The following PAIP2 variants were observed in gnomAD, a reference collection of about 807,000 sequenced individuals.
PAIP2 encodes poly(A) binding protein interacting protein 2, also known as polyadenylate-binding protein-interacting protein 2.
Under a neutral mutation model 14.8 loss-of-function variants are expected in PAIP2, and 7 were observed. The ratio of observed to expected loss-of-function variants is 0.47; its 90% confidence interval spans 0.27 to 0.89. PAIP2 has a LOEUF of 0.89. Among genes scored for constraint, PAIP2 ranks in the 40% least tolerant of loss-of-function variants. PAIP2 has a pLI of 0.13. For missense variants in PAIP2, 122 were observed against 154.7 expected (o/e 0.79, Z 1.12); for synonymous variants, 47 against 45.3 (o/e 1.04, Z -0.15).
chr5:139,366,484 A>G (rs73255264), intron 3 of PAIP2, among the ~76,000 whole-genome samples: 1,870 of 152,080 alleles, frequency 0.012, 41 homozygotes, highest in African/African-American at 0.043. Context: ...AGAGCACTGA[A>G]GTTTACATTG....
At position 139,364,078 on chromosome 5, in the gene PAIP2, C is replaced by CT. The variant is rs1327864771; in HGVS notation, c.138+158dup. On this transcript the variant is annotated intron_variant, in intron 2 of 3. Transcript: ENST00000265192. The stretch of plus-strand genomic sequence containing the variant: ...TATTTGGCTGCTGATTACTACCAGG[C>CT]TTAACTGCTTACGGAAATAACCTGG... 14 of 645,824 alleles carry CT rather than the reference C, an allele frequency of 2.2e-5. No homozygotes were observed. In the Admixed American group the frequency reaches 3.2e-4, roughly 15 times the overall value. The allele number at this position is 645,824 out of a possible 1,614,324, so 40.0% of individuals were successfully genotyped here. A position where few individuals can be genotyped will look rare whatever the true frequency, so the allele number is the denominator to read the frequency against.
intron 1 of PAIP2, among the ~76,000 whole-genome samples, chr5:139,351,527 CAA>C (rs1756733829): frequency 6.6e-6 from 1 of 151,996 alleles, no homozygotes; most frequent in Non-Finnish European, 1.5e-5. Flanking sequence ...TTTATATAAA[CAA>C]AGAATTATGA....
intron 1 of PAIP2, among the ~76,000 whole-genome samples, chr5:139,352,182 A>G (rs1054321373): frequency 2.1e-5 from 3 of 144,550 alleles, no homozygotes; most frequent in Non-Finnish European, 4.6e-5. Context: ...AAAAAAAAAA[A>G]CACCAAAACA....
chr5:139,365,256 TGGGTGGATCACCTGAGGTCAGGA>T (rs1325586937), intron 3 of PAIP2, among the ~76,000 whole-genome samples: 1 of 151,342 alleles, frequency 6.6e-6, no homozygotes, highest in African/African-American at 2.4e-5. Context: ...GAGGCCGAGG[TGGGTGGATCACCTGAGGTCAGGA>T]GTTCAAGACC....
chr5:139,357,302 A>G (rs1473055385), intron 1 of PAIP2, among the ~76,000 whole-genome samples: 9 of 152,210 alleles, frequency 5.9e-5, no homozygotes, highest in African/African-American at 2.2e-4. Flanking sequence ...GCTTTCTAGG[A>G]CTACCAGGAT....
intron 1 of PAIP2, among the ~76,000 whole-genome samples, chr5:139,350,290 T>A (rs62381620): frequency 6.6e-6 from 1 of 152,118 alleles, no homozygotes; most frequent in African/African-American, 2.4e-5. Context: ...TTGACCAGAT[T>A]AAGTAAAAAA....
chr5:139,356,048 G>A (rs536781572), intron 1 of PAIP2, among the ~76,000 whole-genome samples: 207 of 152,158 alleles, frequency 1.4e-3, no homozygotes, highest in African/African-American at 4.8e-3. Flanking sequence ...TGAGGCAGGG[G>A]AACCACTTGA....
chr5:139,365,524 G>T (rs985021837), intron 3 of PAIP2, among the ~76,000 whole-genome samples: 4 of 151,784 alleles, frequency 2.6e-5, no homozygotes, highest in Admixed American at 2.6e-4. Context: ...AAATTAGCTG[G>T]ACATGGTGGC....
rs563766194 is a variant in PAIP2, at chr5:139,344,459, C to A, written c.-27+2479C>A. 7.1e-4 allele frequency among the ~76,000 whole-genome samples: 108 copies of A among 152,204 alleles called. 1 individual carries two copies. The South Asian group carries it at 0.018, about 26-fold the overall frequency. On this transcript the variant is annotated intron_variant, in intron 1 of 3. Coordinates refer to ENST00000265192, the MANE Select transcript of PAIP2 (RefSeq NM_016480.5). ...GCTAAGGTTCAGTTCCAAAAAACTC[C>A]CTTTTTTCTTAATTTTTTCATTGTT... is the stretch of plus-strand genomic sequence containing the variant.
intron 1 of PAIP2, among the ~76,000 whole-genome samples, chr5:139,354,274 G>C (rs750347217): frequency 2.6e-5 from 4 of 151,974 alleles, no homozygotes; most frequent in Non-Finnish European, 4.4e-5. Flanking sequence ...CTTCATTTTT[G>C]AAAGGGTAGT....
intron 1 of PAIP2, among the ~76,000 whole-genome samples, chr5:139,347,518 C>T (rs1756589728): frequency 6.6e-6 from 1 of 152,106 alleles, no homozygotes; most frequent in African/African-American, 2.4e-5. Context: ...AAATGATCCA[C>T]CCACCTTGGC....
intron 1 of PAIP2, among the ~76,000 whole-genome samples, chr5:139,354,929 C>T (rs1017177954): frequency 1.3e-5 from 2 of 150,660 alleles, no homozygotes; most frequent in Non-Finnish European, 2.9e-5. Flanking sequence ...AAGCGATACT[C>T]CTGGCTCAGC....
chr5:139,350,767 A>G (rs1756705392), intron 1 of PAIP2, among the ~76,000 whole-genome samples: 1 of 152,160 alleles, frequency 6.6e-6, no homozygotes, highest in African/African-American at 2.4e-5. Context: ...ATGAATCTAG[A>G]TGAAAGGTTT....
intron 1 of PAIP2, among the ~76,000 whole-genome samples, chr5:139,345,186 A>G (rs1756501001): frequency 6.6e-6 from 1 of 151,712 alleles, no homozygotes; most frequent in Non-Finnish European, 1.5e-5. Context: ...GCTGCACCCG[A>G]CACCACACCT....
intron 1 of PAIP2, among the ~76,000 whole-genome samples, chr5:139,355,355 A>G (rs1756876789): frequency 6.6e-6 from 1 of 151,748 alleles, no homozygotes; most frequent in Non-Finnish European, 1.5e-5. Flanking sequence ...TATTTTTAGT[A>G]GAGACAGGAT....
chr5:139,351,548 A>G (rs1198109883), intron 1 of PAIP2, among the ~76,000 whole-genome samples: 1 of 152,258 alleles, frequency 6.6e-6, no homozygotes, highest in Non-Finnish European at 1.5e-5. Flanking sequence ...GAAAGGATAC[A>G]TATTAAGCTG....
At position 139,369,259 on chromosome 5, in the gene PAIP2, T is replaced by C. The variant is rs542230171; in HGVS notation, c.*461T>C. On this transcript the variant is annotated 3_prime_UTR_variant, in exon 4 of 4. Coordinates refer to ENST00000265192, the MANE Select transcript of PAIP2 (RefSeq NM_016480.5). ...AGGTCTGTTAGTTAATTTGAGATAATTTGTTAAAGGCAAGTATGTCATATT... is the reference window on the plus strand; with the variant it reads ...AGGTCTGTTAGTTAATTTGAGATAACTTGTTAAAGGCAAGTATGTCATATT... The C allele has an allele frequency of 6.5e-6, 1 of 153,518 alleles. No homozygotes were observed. Among genetic ancestry groups the C allele is most frequent in the East Asian group, 1.9e-4 (1 of 5,212 alleles). The allele number at this position is 153,518 out of a possible 1,614,324, so 9.5% of individuals were successfully genotyped here.
chr5:139,351,000 C>G (rs1404122259), intron 1 of PAIP2, among the ~76,000 whole-genome samples: 3 of 151,946 alleles, frequency 2.0e-5, no homozygotes, highest in African/African-American at 7.3e-5. Flanking sequence ...AAACTTGAAA[C>G]TATAAAAATA....
intron 3 of PAIP2, among the ~76,000 whole-genome samples, chr5:139,368,334 C>T (rs747764635): frequency 4.6e-5 from 7 of 150,806 alleles, no homozygotes; most frequent in Admixed American, 2.6e-4. Context: ...AGTGAGACTC[C>T]GTCTCATAAA....
Sources: gnomAD v4.1 joint callset for allele counts (sites outside exome capture counted in the v4.1 genomes callset) on GRCh38, gnomAD v4.1.1 for gene constraint, MANE v1.5 for transcripts, NCBI Gene and HGNC (gene_info 2026-07-23, HGNC 2026-07-21) for gene names.